The following CSNK1A1 variants were observed in gnomAD, a reference collection of about 807,000 sequenced individuals.
CSNK1A1 encodes the protein casein kinase 1 alpha 1.
CSNK1A1 carries 7 observed loss-of-function variants against 46.1 expected under a neutral mutation model. That is an observed-to-expected ratio of 0.15 (90% CI 0.09 to 0.29). The LOEUF is 0.29. CSNK1A1 is among the 10% of genes least tolerant of loss of function. The probability of loss-of-function intolerance (pLI) is 1.00; values close to 1 mark genes in which losing one functional copy is unlikely to be tolerated. For missense variants in CSNK1A1, 96 were observed against 417.1 expected (o/e 0.23, Z 6.71); for synonymous variants, 137 against 141.5 (o/e 0.97, Z 0.23).
chr5:149,499,611 A>G (rs1290169646), intron 9 of CSNK1A1, among the ~76,000 whole-genome samples: 1 of 151,922 alleles, frequency 6.6e-6, no homozygotes, highest in African/African-American at 2.4e-5. Context: ...AAAATAAACA[A>G]AAGATATGCT....
chr5:149,515,640 A>G (rs1266006730), intron 4 of CSNK1A1, among the ~76,000 whole-genome samples: 2 of 152,252 alleles, frequency 1.3e-5, no homozygotes, highest in African/African-American at 4.8e-5. Flanking sequence ...AAATTAAAAA[A>G]GGAAATAAAA....
At chr5:149,544,248 G>C (rs541342277) in intron 2 of CSNK1A1, among the ~76,000 whole-genome samples, 1 of 152,280 alleles carries the variant, frequency 6.6e-6, no homozygotes, top group African/African-American at 2.4e-5. Flanking sequence ...TGAGGAAACA[G>C]ATGGGCTTAC....
chr5:149,526,704 G>A (rs1761734467), intron 2 of CSNK1A1, among the ~76,000 whole-genome samples: 1 of 152,076 alleles, frequency 6.6e-6, no homozygotes, highest in Non-Finnish European at 1.5e-5. Flanking sequence ...ATTCTAACTA[G>A]TGGTCCTGGG....
At chr5:149,508,019 A>G (rs563044258) in intron 7 of CSNK1A1, among the ~76,000 whole-genome samples, 19 of 152,356 alleles carry the variant, frequency 1.2e-4, no homozygotes, top group African/African-American at 4.1e-4. Context: ...ATGTGGAAAT[A>G]CAAAATATTA....
At chr5:149,509,429 T>C (rs1463445023) in intron 7 of CSNK1A1, among the ~76,000 whole-genome samples, 3 of 151,556 alleles carry the variant, frequency 2.0e-5, no homozygotes, top group Non-Finnish European at 4.4e-5. Context: ...TAGGCTGGAG[T>C]GCAGTGGCAC....
chr5:149,507,910 G>C (rs1231616696), intron 7 of CSNK1A1, among the ~76,000 whole-genome samples: 1 of 152,166 alleles, frequency 6.6e-6, no homozygotes, highest in Non-Finnish European at 1.5e-5. Context: ...TGTGGGCATA[G>C]AATTTTTCCA....
At chr5:149,519,956 A>C (rs1418442594) in intron 4 of CSNK1A1, among the ~76,000 whole-genome samples, 2 of 152,198 alleles carry the variant, frequency 1.3e-5, no homozygotes, top group Non-Finnish European at 2.9e-5. Flanking sequence ...CAGGAAGAAA[A>C]GAATATGGGG....
intron 9 of CSNK1A1, chr5:149,504,257 A>G (rs1760960287): frequency 6.1e-6 from 6 of 985,500 alleles, no homozygotes; most frequent in Non-Finnish European, 7.2e-6. Context: ...GAATAGAAGC[A>G]TCTCAACTTC....
chr5:149,544,095 C>T (rs1361704039), intron 2 of CSNK1A1, among the ~76,000 whole-genome samples: 2 of 152,076 alleles, frequency 1.3e-5, no homozygotes, highest in Non-Finnish European at 2.9e-5. Flanking sequence ...AACCCTTGTT[C>T]AAACAAAACC....
rs551877209 is a variant in CSNK1A1 at position 149,550,459 on chromosome 5, T to C, written c.124-278A>G. On this transcript the variant is annotated intron_variant, in intron 1 of 9. Transcript: ENST00000377843. This position sits in a 1 kb window ranked among gnomAD's most constrained non-coding sequence, Gnocchi z 4.3. ...ACGTAGTGAGAGGTTTTTAAGGAAC[T>C]AGGCGATCGGAAACTGTTCTAATTG... is the stretch of plus-strand genomic sequence containing the variant. 84 of 516,672 alleles carry C rather than the reference T, an allele frequency of 1.6e-4. No individual in the cohort carries two copies. Among genetic ancestry groups the C allele is most frequent in the Admixed American group, 2.6e-4 (4 of 15,530 alleles). The allele number at this position is 516,672 out of a possible 1,614,324, so 32.0% of individuals were successfully genotyped here.
At position 149,495,271 on chromosome 5, in the gene CSNK1A1, G is replaced by A. The variant is rs750950321; in HGVS notation, c.*1582C>T. On this transcript the variant is annotated 3_prime_UTR_variant, in exon 10 of 10. Transcript: ENST00000377843. Reference sequence around the variant, plus strand: ...AACTTGACACAATCTGACCAAACACGTGTCAATTTACAATTTCAAGGTTAT... The same window carrying A: ...AACTTGACACAATCTGACCAAACACATGTCAATTTACAATTTCAAGGTTAT... The A allele has an allele frequency of 2.0e-5, 3 of 152,058 alleles. No homozygotes were observed. The highest frequency in any genetic ancestry group is 6.6e-5 in the Admixed American group (1 of 15,262). The allele number at this position is 152,058 out of a possible 1,614,324, so 9.4% of individuals were successfully genotyped here.
intron 2 of CSNK1A1, among the ~76,000 whole-genome samples, chr5:149,532,275 C>G (rs989354365): frequency 6.6e-6 from 1 of 151,942 alleles, no homozygotes; most frequent in African/African-American, 2.4e-5. Context: ...TTTAAGATAC[C>G]TGCAACAATA....
chr5:149,514,945 T>C (rs1269257885), intron 4 of CSNK1A1, among the ~76,000 whole-genome samples: 1 of 152,218 alleles, frequency 6.6e-6, no homozygotes, highest in Non-Finnish European at 1.5e-5. Flanking sequence ...ACAGGAAAAT[T>C]TGTGTTGTAA....
At chr5:149,523,804 T>G (rs1761650654) in intron 3 of CSNK1A1, among the ~76,000 whole-genome samples, 1 of 152,210 alleles carries the variant, frequency 6.6e-6, no homozygotes, top group African/African-American at 2.4e-5. Flanking sequence ...AACATTTATA[T>G]TTTGTGTTAG....
At chr5:149,513,304 T>C (rs1761288369) in intron 4 of CSNK1A1, 95 bp from the exon 5 acceptor site, 3 of 1,159,442 alleles carry the variant, frequency 2.6e-6, no homozygotes, top group South Asian at 3.2e-5. Context: ...TGCATTCAAA[T>C]ATATCAAAAT....
At chr5:149,541,508 CAG>C (rs1169513713) in intron 2 of CSNK1A1, among the ~76,000 whole-genome samples, 1 of 151,978 alleles carries the variant, frequency 6.6e-6, no homozygotes, top group Admixed American at 6.6e-5. Context: ...GAAACAAAAA[CAG>C]TAACACAATA....
chr5:149,502,340 T>A, intron 9 of CSNK1A1: 1 of 968,586 alleles, frequency 1.0e-6, no homozygotes, highest in Non-Finnish European at 1.2e-6. Flanking sequence ...AAAAAGCACC[T>A]TCTAAAAATT....
intron 2 of CSNK1A1, among the ~76,000 whole-genome samples, chr5:149,536,296 A>C (rs2113160190): frequency 6.6e-6 from 1 of 152,272 alleles, no homozygotes; most frequent in South Asian, 2.1e-4. Flanking sequence ...ATAAGTTAGC[A>C]CTTGTATTAC....
At chr5:149,526,380 T>C (rs1761726149) in intron 2 of CSNK1A1, among the ~76,000 whole-genome samples, 1 of 152,274 alleles carries the variant, frequency 6.6e-6, no homozygotes, top group South Asian at 2.1e-4. Context: ...TTGCCCAGGC[T>C]AGTCTCTAAC....
Sources: gnomAD v4.1 joint callset for allele counts (sites outside exome capture counted in the v4.1 genomes callset) on GRCh38, gnomAD v4.1.1 for gene constraint, Gnocchi (gnomAD v3.1) non-coding constraint, MANE v1.5 for transcripts, NCBI Gene and HGNC (gene_info 2026-07-23, HGNC 2026-07-21) for gene names.